The following LYN variants were observed in gnomAD, a reference collection of about 807,000 sequenced individuals.
LYN encodes the protein LYN proto-oncogene, Src family tyrosine kinase, also known as tyrosine-protein kinase Lyn.
LYN carries 12 observed loss-of-function variants against 65.0 expected under a neutral mutation model. The ratio of observed to expected loss-of-function variants is 0.18; its 90% CI spans 0.12 to 0.30. The LOEUF (loss-of-function observed/expected upper bound fraction) is 0.30, where lower values mean the gene tolerates loss of function less well. LYN is among the 10% of genes least tolerant of loss of function. LYN has a pLI of 1.00. For synonymous variants in LYN, 222 were observed against 221.2 expected (o/e 1.00, Z -0.03); for missense variants, 380 against 623.2 (o/e 0.61, Z 4.16).
At chr8:55,991,991 T>G (rs956342962) in intron 10 of LYN, among the ~76,000 whole-genome samples, 1 of 152,238 alleles carries the variant, frequency 6.6e-6, no homozygotes, top group Non-Finnish European at 1.5e-5. Flanking sequence ...TTTACGTGAT[T>G]AGTCTCATTT....
chr8:55,884,706 C>T (rs192655950), intron 1 of LYN, among the ~76,000 whole-genome samples: 6 of 152,240 alleles, frequency 3.9e-5, no homozygotes, highest in African/African-American at 9.6e-5. Flanking sequence ...CCCGCCTCGG[C>T]CTCCCAAAAT....
At chr8:55,911,279 ATATATATT>A (rs1190273255) in intron 1 of LYN, among the ~76,000 whole-genome samples, 5 of 46,226 alleles carry the variant, frequency 1.1e-4, no homozygotes, top group Non-Finnish European at 1.7e-4. Context: ...ATATATATAT[ATATATATT>A]TTTTTTTTTT....
chr8:55,889,649 C>T (rs1201480246), intron 1 of LYN, among the ~76,000 whole-genome samples: 1 of 152,144 alleles, frequency 6.6e-6, no homozygotes, highest in Non-Finnish European at 1.5e-5. Flanking sequence ...GAATGCCGAT[C>T]AAAGACTTTG....
At chr8:55,901,665 G>A (rs952160609) in intron 1 of LYN, among the ~76,000 whole-genome samples, 1 of 152,208 alleles carries the variant, frequency 6.6e-6, no homozygotes, top group African/African-American at 2.4e-5. Context: ...TTCAGAAAGA[G>A]CATTGGGCAT....
intron 1 of LYN, among the ~76,000 whole-genome samples, chr8:55,903,059 G>A (rs1472797134): frequency 6.6e-6 from 1 of 152,228 alleles, no homozygotes; most frequent in African/African-American, 2.4e-5. Context: ...ATATCGGCCA[G>A]GCTGGTCTCG....
chr8:55,987,373 C>G (rs745906314), intron 10 of LYN, among the ~76,000 whole-genome samples: 1 of 150,944 alleles, frequency 6.6e-6, no homozygotes, highest in East Asian at 1.9e-4. Context: ...AGGCACTACA[C>G]TCCAGCTTGG....
chr8:55,912,260 G>A (rs1170797865), intron 1 of LYN, among the ~76,000 whole-genome samples: 2 of 152,160 alleles, frequency 1.3e-5, no homozygotes, highest in African/African-American at 4.8e-5. Context: ...TGCATTGCTA[G>A]GCATAATGAA....
At chr8:55,909,044 CACACACA>C (rs1563504969) in intron 1 of LYN, among the ~76,000 whole-genome samples, 2,869 of 73,334 alleles carry the variant, frequency 0.039, 296 homozygotes, top group Middle Eastern at 0.056. Flanking sequence ...CACACACACA[CACACACA>C]CCCCACATTT....
At chr8:55,992,834 C>T (rs936344084) in intron 10 of LYN, among the ~76,000 whole-genome samples, 1 of 152,260 alleles carries the variant, frequency 6.6e-6, no homozygotes, top group Non-Finnish European at 1.5e-5. Context: ...GGGTCAAACT[C>T]TCTGTGAAGC....
At chr8:55,919,653 C>T (rs1805886293) in intron 1 of LYN, among the ~76,000 whole-genome samples, 1 of 152,208 alleles carries the variant, frequency 6.6e-6, no homozygotes, top group Non-Finnish European at 1.5e-5. Flanking sequence ...GAACAAGTAA[C>T]TTCCTCCTCC....
chr8:55,883,163 A>C (rs1222923350), intron 1 of LYN, among the ~76,000 whole-genome samples: 1 of 152,238 alleles, frequency 6.6e-6, no homozygotes, highest in African/African-American at 2.4e-5. Context: ...AAAGTGAAAA[A>C]TGAAATGGTT....
chr8:55,970,478 A>G (rs1807581532), intron 10 of LYN, among the ~76,000 whole-genome samples: 1 of 152,180 alleles, frequency 6.6e-6, no homozygotes, highest in African/African-American at 2.4e-5. Flanking sequence ...TGTGTCCATT[A>G]GTAATGTTCA....
intron 1 of LYN, among the ~76,000 whole-genome samples, chr8:55,923,888 GA>G (rs543864525): frequency 0.064 from 9,193 of 143,810 alleles, 422 homozygotes; most frequent in African/African-American, 0.14. Flanking sequence ...AGTGCCATTT[GA>G]AAAAAAAAAA....
Position 56,011,436 on chromosome 8 carries a change from G to A in LYN, c.*1326G>A, listed in dbSNP as rs918277911. On this transcript the variant is annotated 3_prime_UTR_variant, in exon 13 of 13. Coordinates refer to ENST00000519728, the MANE Select transcript of LYN (RefSeq NM_002350.4). ...TCAGCTGTGGTCAGTGTAAAAATTG[G>A]TCATCAGCTGGGGGCGGGGTGGTTA... 1 of 207,070 alleles carries A rather than the reference G, an allele frequency of 4.8e-6. No individual in the cohort carries two copies. Among genetic ancestry groups the A allele is most frequent in the African/African-American group, 2.3e-5 (1 of 43,894 alleles). 12.8% of individuals were successfully genotyped at this position (207,070 alleles called of 1,614,324 possible).
At chr8:55,955,386 C>T (rs7828258) in intron 8 of LYN, 74,736 of 151,226 alleles carry the variant, frequency 0.49, 18,857 homozygotes, top group Middle Eastern at 0.62. Flanking sequence ...TCAGAACTGG[C>T]TGGCAGTGCA....
At chr8:55,915,836 G>T (rs1805766841) in intron 1 of LYN, among the ~76,000 whole-genome samples, 1 of 152,142 alleles carries the variant, frequency 6.6e-6, no homozygotes, top group Non-Finnish European at 1.5e-5. Flanking sequence ...GAGCGAGCGA[G>T]CGAGAGACAT....
chr8:55,947,417 A>G (rs1356035320), intron 3 of LYN, among the ~76,000 whole-genome samples: 1 of 152,204 alleles, frequency 6.6e-6, no homozygotes. Context: ...GTGATTTGCA[A>G]GAACAAATAC....
intron 1 of LYN, chr8:55,895,724 A>T (rs1746987774): frequency 6.6e-6 from 1 of 152,116 alleles, no homozygotes; most frequent in Admixed American, 6.6e-5. Context: ...TTTTTCTAAT[A>T]CATAAAACAG....
intron 1 of LYN, among the ~76,000 whole-genome samples, chr8:55,921,808 T>C (rs1219612897): frequency 6.6e-6 from 1 of 152,190 alleles, no homozygotes; most frequent in Admixed American, 6.5e-5. Flanking sequence ...CAAATGATGG[T>C]ATATTAGTAA....
Sources: gnomAD v4.1 joint callset for allele counts (sites outside exome capture counted in the v4.1 genomes callset) on GRCh38, gnomAD v4.1.1 for gene constraint, MANE v1.5 for transcripts, NCBI Gene and HGNC (gene_info 2026-07-23, HGNC 2026-07-21) for gene names.